Variants in RCL1 observed in about 807,000 individuals in gnomAD.
RCL1 encodes RNA 3'-terminal phosphate cyclase-like protein.
Under a neutral mutation model 42.4 loss-of-function variants are expected in RCL1, and 24 were observed. The ratio of observed to expected loss-of-function variants is 0.57; its 90% CI spans 0.41 to 0.80. The LOEUF is 0.80. RCL1 is among the 30% of genes least tolerant of loss of function. The pLI is 0.00. For missense variants in RCL1, 578 were observed against 467.9 expected, an observed-to-expected ratio of 1.24 and a Z score of -2.17; for synonymous variants, 228 against 177.3, an observed-to-expected ratio of 1.29 and a Z score of -2.27.
At chr9:4,855,519 C>A (rs377390576) in intron 8 of RCL1, among the ~76,000 whole-genome samples, 1 of 152,054 alleles carries the variant, frequency 6.6e-6, no homozygotes, top group Non-Finnish European at 1.5e-5. Flanking sequence ...TGGAGCAGGA[C>A]GTGGATCAGC....
At chr9:4,823,722 A>C (rs1055730607) in intron 2 of RCL1, 103 bp downstream of exon 2, 3 of 721,070 alleles carry the variant, frequency 4.2e-6, no homozygotes, top group African/African-American at 1.8e-5. Flanking sequence ...GTCTCTGCTT[A>C]TCCAAATCAC....
At chr9:4,820,584 C>T (rs1039603415) in intron 1 of RCL1, among the ~76,000 whole-genome samples, 3 of 152,106 alleles carry the variant, frequency 2.0e-5, no homozygotes, top group African/African-American at 7.2e-5. Context: ...TGGTTTCTTC[C>T]TTTTTTCTTT....
intron 1 of RCL1, among the ~76,000 whole-genome samples, chr9:4,814,044 G>A (rs1245388532): frequency 6.6e-6 from 1 of 151,962 alleles, no homozygotes; most frequent in Admixed American, 6.6e-5. Flanking sequence ...GTCATGGGGT[G>A]GGGGGAATGA....
Position 4,841,273 on chromosome 9 carries a change from T to C in RCL1, c.626T>C (p.Val209Ala). ...RVSPQMANRIVDSARSILNKF... is the reference protein window; with the variant it reads ...RVSPQMANRIADSARSILNKF... ...TCACCTCAGATGGCGAACCGGATTG[T>C]GGATTCTGCAAGGAGCATCCTCAAC... is the stretch of plus-strand genomic sequence containing the variant. The change falls in exon 6 of 9, where the codon GTG becomes GCG. Residue 209 changes from valine to alanine, a missense_variant. Val to Ala is a moderately conservative substitution (Grantham distance 64). Transcript: ENST00000381750. The C allele has an allele frequency of 6.2e-7, 1 of 1,613,458 alleles. No homozygotes were observed. Among genetic ancestry groups the C allele is most frequent in the Non-Finnish European group, 8.5e-7 (1 of 1,179,376 alleles).
At chr9:4,828,325 A>C (rs1816834972) in intron 3 of RCL1, among the ~76,000 whole-genome samples, 1 of 152,170 alleles carries the variant, frequency 6.6e-6, no homozygotes, top group Admixed American at 6.5e-5. Context: ...CAATGAGGTG[A>C]TGCTGTGAGC....
chr9:4,854,828 G>A (rs1486720214), intron 8 of RCL1, among the ~76,000 whole-genome samples: 5 of 152,144 alleles, frequency 3.3e-5, no homozygotes, highest in East Asian at 1.9e-4. Flanking sequence ...AGGCCGAGGC[G>A]GGTAGATCAC....
In RCL1 at chr9:4,848,921, A is replaced by G. The variant is rs1442386560; in HGVS notation, c.868-526A>G. ...AGGAAGAGATAAAGGAGAGAAGTTA[A>G]TAGAGTATGGCAAGCAGTTTCCTGA... is the stretch of plus-strand genomic sequence containing the variant. On this transcript the variant is annotated intron_variant, in intron 7 of 8. Coordinates refer to ENST00000381750, the MANE Select transcript of RCL1 (RefSeq NM_005772.5). Among the ~76,000 whole-genome samples, 4 of 152,336 alleles carry G rather than the reference A, an allele frequency of 2.6e-5. No homozygotes were observed. The South Asian group carries it at 8.3e-4, about 32-fold the overall frequency.
At chr9:4,845,344 C>G (rs1817476759) in intron 7 of RCL1, among the ~76,000 whole-genome samples, 1 of 152,252 alleles carries the variant, frequency 6.6e-6, no homozygotes, top group Non-Finnish European at 1.5e-5. Context: ...AACCAGTTGT[C>G]ATTTTGCTTC....
At chr9:4,826,640 C>A (rs1262548380) in intron 2 of RCL1, among the ~76,000 whole-genome samples, 2 of 152,148 alleles carry the variant, frequency 1.3e-5, no homozygotes, top group African/African-American at 2.4e-5. Context: ...TACTTTATTA[C>A]TGATTATTAA....
rs768617640 is a variant in RCL1 at position 4,823,588 on chromosome 9, G to A, written c.177G>A (p.Thr59=). 4.1e-5 allele frequency: 66 copies of A among 1,611,342 alleles called. No individual in the cohort carries two copies. Among genetic ancestry groups the A allele is most frequent in the Non-Finnish European group, 5.3e-5 (63 of 1,178,970 alleles). ...TCATAAGGCTATTGGACAAAATAAC[G>A]AATGGTTCTCGAATTGAAATAAACC... ...ASFIRLLDKI[T]NGSRIEINQT... is the part of the protein sequence containing the mutation. Residue 59 remains threonine, a synonymous_variant, in exon 2 of 9, where the codon ACG becomes ACA. Coordinates refer to ENST00000381750, the MANE Select transcript of RCL1 (RefSeq NM_005772.5).
chr9:4,804,232 G>T, intron 1 of RCL1: 1 of 152,816 alleles, frequency 6.5e-6, no homozygotes. Context: ...AGTTCCTTGG[G>T]ACCCAGGGTC....
At chr9:4,823,239 A>G (rs1053851395) in intron 1 of RCL1, among the ~76,000 whole-genome samples, 4 of 148,880 alleles carry the variant, frequency 2.7e-5, no homozygotes, top group Non-Finnish European at 4.4e-5. Flanking sequence ...TAAGGGTTTT[A>G]TGCTGCTGAA....
At chr9:4,859,409 C>T in intron 8 of RCL1, among the ~76,000 whole-genome samples, 1 of 152,180 alleles carries the variant, frequency 6.6e-6, no homozygotes, top group East Asian at 1.9e-4. Context: ...TAGTCTCTAT[C>T]TATACCACTA....
intron 1 of RCL1, among the ~76,000 whole-genome samples, chr9:4,814,901 T>A (rs1231981989): frequency 6.7e-6 from 1 of 149,560 alleles, no homozygotes; most frequent in Non-Finnish European, 1.5e-5. Context: ...TTGGTTGACG[T>A]TTTTTTTTTC....
intron 6 of RCL1, among the ~76,000 whole-genome samples, chr9:4,841,926 C>T (rs961965231): frequency 1.3e-5 from 2 of 152,072 alleles, no homozygotes; most frequent in Non-Finnish European, 2.9e-5. Flanking sequence ...ATGAAGATAC[C>T]TGTTTTAGGC....
At chr9:4,816,828 T>C (rs1036401205) in intron 1 of RCL1, among the ~76,000 whole-genome samples, 4 of 152,174 alleles carry the variant, frequency 2.6e-5, no homozygotes, top group African/African-American at 9.7e-5. Context: ...ATAATTGTTA[T>C]TTTTTTGAGA....
At chr9:4,841,419 A>G in intron 6 of RCL1, 62 bp downstream of exon 6, 14 of 1,354,058 alleles carry the variant, frequency 1.0e-5, no homozygotes, top group Non-Finnish European at 1.5e-5. Flanking sequence ...TTCTAGTTGA[A>G]GTTAAAACTG....
chr9:4,833,322 C>A, intron 4 of RCL1, 94 bp downstream of exon 4: 1 of 934,664 alleles, frequency 1.1e-6, no homozygotes, highest in Non-Finnish European at 1.8e-6. Flanking sequence ...GTATGTGTGT[C>A]ACATTTGAAG....
At chr9:4,815,725 A>G (rs1214222970) in intron 1 of RCL1, among the ~76,000 whole-genome samples, 5 of 152,018 alleles carry the variant, frequency 3.3e-5, no homozygotes, top group African/African-American at 9.7e-5. Flanking sequence ...CGCAGGCCAC[A>G]GGGAGCTGGG....
Sources: gnomAD v4.1 joint callset for allele counts (sites outside exome capture counted in the v4.1 genomes callset) on GRCh38, gnomAD v4.1.1 for gene constraint, MANE v1.5 for transcripts, NCBI Gene and HGNC (gene_info 2026-07-23, HGNC 2026-07-21) for gene names.